Variants in ARHGAP39 observed in about 807,000 individuals in gnomAD.
ARHGAP39 encodes Rho GTPase activating protein 39, also known as rho GTPase-activating protein 39.
A neutral mutation model predicts 106.9 loss-of-function variants in ARHGAP39; 44 were observed. The observed-to-expected ratio is 0.41, with a 90% CI of 0.32 to 0.53. The LOEUF is 0.53. ARHGAP39 is among the 20% of genes least tolerant of loss of function. The pLI, the probability that ARHGAP39 is intolerant of heterozygous loss-of-function variation, is 0.21. For synonymous variants in ARHGAP39, 768 were observed against 693.2 expected, an observed-to-expected ratio of 1.11 and a Z score of -1.69; for missense variants, 1,496 against 1,577.3, an observed-to-expected ratio of 0.95 and a Z score of 0.87.
At chr8:144,669,668 C>G (rs1822053442) in intron 1 of ARHGAP39, among the ~76,000 whole-genome samples, 1 of 152,032 alleles carries the variant, frequency 6.6e-6, no homozygotes, top group Non-Finnish European at 1.5e-5. Context: ...ACACATAACT[C>G]AGTCATAAAG....
Position 144,671,998 on chromosome 8 carries a change from C to G in ARHGAP39, c.-82+13688G>C, listed in dbSNP as rs1414165758. Among the ~76,000 whole-genome samples, 2 of 152,256 alleles carry G rather than the reference C, an allele frequency of 1.3e-5. No individual in the cohort carries two copies. Among genetic ancestry groups the G allele is most frequent in the African/African-American group, 2.4e-5 (1 of 41,468 alleles). ...CATCCTGGGCCCCAGTGGCCTTGGG[C>G]AGAAAGCCCCACACTGTTCCTGGAC... is the stretch of plus-strand genomic sequence containing the variant. On this transcript the variant is annotated intron_variant, in intron 1 of 11. Coordinates refer to ENST00000377307, the MANE Select transcript of ARHGAP39 (RefSeq NM_025251.3). The surrounding 1 kb of genome is among the most constrained non-coding windows in gnomAD (Gnocchi z 4.5).
chr8:144,600,751 A>T lies in ARHGAP39; in HGVS notation c.80+4784T>A, dbSNP rs564126454. 2.1e-5 allele frequency among the ~76,000 whole-genome samples: 3 copies of T among 141,504 alleles called. No homozygotes were observed. In the East Asian group the frequency reaches 6.9e-4, roughly 32 times the overall value. 92.8% of individuals were successfully genotyped at this position (141,504 alleles called of 152,430 possible). On this transcript the variant is annotated intron_variant, in intron 2 of 11. Transcript: ENST00000377307. ...GTGCGTGTTCAAGGCGTGCGTGCGC[A>T]CTTGTGTACCTACCTGCGTGTGCAT...
intron 1 of ARHGAP39, among the ~76,000 whole-genome samples, chr8:144,659,757 A>G (rs11998705): frequency 0.073 from 11,119 of 152,056 alleles, 1,350 homozygotes; most frequent in African/African-American, 0.25. Context: ...CTAAGCTAAC[A>G]ATTGCTTCTC....
rs1822106179 is a variant in ARHGAP39 at position 144,671,731 on chromosome 8, C to T, written c.-82+13955G>A. Among the ~76,000 whole-genome samples, 1 of 152,246 alleles carries T rather than the reference C, an allele frequency of 6.6e-6. No homozygotes were observed. Among genetic ancestry groups the T allele is most frequent in the Admixed American group, 6.5e-5 (1 of 15,288 alleles). On this transcript the variant is annotated intron_variant, in intron 1 of 11. Transcript: ENST00000377307. The surrounding 1 kb of genome is among the most constrained non-coding windows in gnomAD (Gnocchi z 4.5). Reference sequence around the variant, plus strand: ...GCCAGCCACCCTAGGGTTCTCCCTACGACCCCAGGCACACGGCCACCTCTG... The same window carrying T: ...GCCAGCCACCCTAGGGTTCTCCCTATGACCCCAGGCACACGGCCACCTCTG...
chr8:144,596,415 G>A (rs546398288), intron 2 of ARHGAP39, among the ~76,000 whole-genome samples: 272 of 152,228 alleles, frequency 1.8e-3, no homozygotes, highest in Non-Finnish European at 3.0e-3. Context: ...GTCCATCACC[G>A]CTCAGTGCTC....
At chr8:144,621,362 C>T (rs1820803050) in intron 1 of ARHGAP39, among the ~76,000 whole-genome samples, 1 of 152,260 alleles carries the variant, frequency 6.6e-6, no homozygotes, top group Non-Finnish European at 1.5e-5. Flanking sequence ...CCCTCAAACG[C>T]AGCTTGCCAG....
At chr8:144,568,333 CAAAAAAAAAAAAA>C (rs34670018) in intron 3 of ARHGAP39, among the ~76,000 whole-genome samples, 1 of 47,294 alleles carries the variant, frequency 2.1e-5, no homozygotes, top group Non-Finnish European at 3.4e-5. Flanking sequence ...GACTCTGTCT[CAAAAAAAAAAAAA>C]AAAAAAAAAA....
chr8:144,678,418 C>T lies in ARHGAP39; in HGVS notation c.-82+7268G>A, dbSNP rs183661574. Among the ~76,000 whole-genome samples, 313 of 152,206 alleles carry T rather than the reference C, an allele frequency of 2.1e-3. 6 individuals carry two copies. Among genetic ancestry groups the T allele is most frequent in the Non-Finnish European group, 4.1e-4 (28 of 68,006 alleles). ...GGTGGAGCACCTGAGGACAAGGCAGCGATCCAGGAGGCGCTCCCACAGACA... is the reference window on the plus strand; with the variant it reads ...GGTGGAGCACCTGAGGACAAGGCAGTGATCCAGGAGGCGCTCCCACAGACA... On this transcript the variant is annotated intron_variant, in intron 1 of 11. Transcript: ENST00000377307.
intron 1 of ARHGAP39, among the ~76,000 whole-genome samples, chr8:144,624,261 C>T (rs551082455): frequency 2.0e-5 from 3 of 152,126 alleles, no homozygotes; most frequent in African/African-American, 7.2e-5. Flanking sequence ...AAGTGTAAAG[C>T]GTACAGTATA....
At chr8:144,536,398 C>T (rs1025422921) in intron 7 of ARHGAP39, among the ~76,000 whole-genome samples, 2 of 152,070 alleles carry the variant, frequency 1.3e-5, no homozygotes, top group Non-Finnish European at 2.9e-5. Context: ...CACCCTGGGC[C>T]GCAATGTCCC....
Position 144,547,678 on chromosome 8 carries a change from C to G in ARHGAP39, c.1408G>C (p.Glu470Gln). The change falls in exon 5 of 12, where the codon GAG (glutamate) becomes CAG (glutamine). Residue 470 changes from glutamate to glutamine, a missense_variant. Physicochemically the swap from Glu to Gln is conservative, Grantham distance 29. Transcript: ENST00000377307. This position sits in a 1 kb window ranked among gnomAD's most constrained non-coding sequence, Gnocchi z 5.2. ...TGGCTGGACCAGGACATGGCATCCT[C>G]CTGGGCCTGTGGCAGCGGCGTGGGC... ...QPPTPLPQAQ[E>Q]DAMSWSSQQD... is the part of the protein sequence containing the mutation. 1 of 1,573,800 alleles carries G rather than the reference C, an allele frequency of 6.4e-7. No homozygotes were observed. Among genetic ancestry groups the G allele is most frequent in the Non-Finnish European group, 8.6e-7 (1 of 1,165,430 alleles).
chr8:144,530,236 C>T lies in ARHGAP39; in HGVS notation c.*186G>A. On this transcript the variant is annotated 3_prime_UTR_variant, in exon 12 of 12. Coordinates refer to ENST00000377307, the MANE Select transcript of ARHGAP39 (RefSeq NM_025251.3). ...GCCAGAGGCGCCCTCCCCGCCGCTG[C>T]TGTGCCCTGGCTGCACCCTCAGACC... The T allele has an allele frequency of 1.5e-6, 1 of 659,080 alleles. No individual in the cohort carries two copies. 40.8% of individuals were successfully genotyped at this position (659,080 alleles called of 1,614,324 possible).
chr8:144,605,747 CA>C, intron 1 of ARHGAP39, 52 bp from the exon 2 acceptor site: 1 of 840,840 alleles, frequency 1.2e-6, no homozygotes, highest in Non-Finnish European at 1.9e-6. Flanking sequence ...CTCACCACAC[CA>C]ATCACCCGGC....
At chr8:144,655,994 C>A (rs973823677) in intron 1 of ARHGAP39, among the ~76,000 whole-genome samples, 3 of 152,106 alleles carry the variant, frequency 2.0e-5, no homozygotes. Flanking sequence ...AATCTAGAAT[C>A]CCATGCCCAG....
chr8:144,547,456 C>T lies in ARHGAP39; in HGVS notation c.1630G>A (p.Glu544Lys). ...APVKRAEGEAEGARGAAEPFL... is the reference protein window; with the variant it reads ...APVKRAEGEAKGARGAAEPFL... ...GGCTCGGCCGCGCCCCGCGCCCCTT[C>T]GGCCTCACCTTCCGCTCGCTTCACG... Residue 544 changes from glutamate to lysine, a missense_variant, in exon 5 of 12, where the codon GAA becomes AAA. This residue lies in a region of ARHGAP39 where 905 missense variants were observed against 816.4 expected (regional missense o/e 1.11). Coordinates refer to ENST00000377307, the MANE Select transcript of ARHGAP39 (RefSeq NM_025251.3). This position sits in a 1 kb window ranked among gnomAD's most constrained non-coding sequence, Gnocchi z 5.2. 2.6e-6 allele frequency: 4 copies of T among 1,563,424 alleles called. No homozygotes were observed. Among genetic ancestry groups the T allele is most frequent in the East Asian group, 2.3e-5 (1 of 43,252 alleles).
intron 2 of ARHGAP39, among the ~76,000 whole-genome samples, chr8:144,584,816 C>T (rs1350245911): frequency 6.6e-6 from 1 of 151,426 alleles, no homozygotes; most frequent in Non-Finnish European, 1.5e-5. Flanking sequence ...GTCTGAGCTC[C>T]CAGCTGGCTT....
chr8:144,668,220 C>G (rs141596704), intron 1 of ARHGAP39, among the ~76,000 whole-genome samples: 165 of 152,292 alleles, frequency 1.1e-3, no homozygotes, highest in African/African-American at 3.8e-3. Flanking sequence ...GGCAGAAGGA[C>G]TGCTTGAGCC....
intron 1 of ARHGAP39, among the ~76,000 whole-genome samples, chr8:144,606,393 G>A (rs948152836): frequency 5.9e-5 from 9 of 152,188 alleles, no homozygotes; most frequent in African/African-American, 1.9e-4. Context: ...TGAACACGAC[G>A]AGGATGAAGA....
At chr8:144,683,072 T>G (rs562607618) in intron 1 of ARHGAP39, 19 of 151,382 alleles carry the variant, frequency 1.3e-4, no homozygotes, top group Admixed American at 5.9e-4. Flanking sequence ...TCCCAGCACT[T>G]TGGGAGGCCG....
Sources: allele counts gnomAD v4.1 joint callset (sites outside exome capture counted in the v4.1 genomes callset), GRCh38; gene constraint gnomAD v4.1.1; regional missense constraint gnomAD v4.1.1; non-coding constraint Gnocchi (gnomAD v3.1); transcripts MANE v1.5; gene names NCBI Gene and HGNC (gene_info 2026-07-23, HGNC 2026-07-21).